The following AHI1 variants were observed in gnomAD, a reference collection of about 807,000 sequenced individuals.
AHI1 encodes Abelson helper integration site 1, also known as jouberin.
AHI1 carries 123 observed loss-of-function variants against 149.3 expected under a neutral mutation model. The ratio of observed to expected loss-of-function variants is 0.82; its 90% CI spans 0.71 to 0.96. The LOEUF (loss-of-function observed/expected upper bound fraction) is 0.96. AHI1 is among the 40% of genes least tolerant of loss of function. The probability of loss-of-function intolerance (pLI) is 0.00; values close to 1 mark genes in which losing one functional copy is unlikely to be tolerated. For synonymous variants in AHI1, 475 were observed against 459.8 expected (o/e 1.03, Z -0.42); for missense variants, 1,439 against 1,422.7 (o/e 1.01, Z -0.18).
intron 24 of AHI1, among the ~76,000 whole-genome samples, chr6:135,355,773 C>T (rs1792858883): frequency 6.6e-6 from 1 of 152,096 alleles, no homozygotes; most frequent in Non-Finnish European, 1.5e-5. Context: ...GTTGTGGACG[C>T]CTGTAATCCC....
At chr6:135,325,311 G>C (rs538440477) in intron 24 of AHI1, among the ~76,000 whole-genome samples, 6 of 152,356 alleles carry the variant, frequency 3.9e-5, no homozygotes, top group Non-Finnish European at 7.3e-5. Context: ...ACAGGCGTGA[G>C]CCACTGCGTC....
chr6:135,416,631 T>C (rs1782424053), intron 20 of AHI1, among the ~76,000 whole-genome samples: 1 of 152,022 alleles, frequency 6.6e-6, no homozygotes. Context: ...TATAAAACAA[T>C]ATAGACAGTA....
intron 5 of AHI1, among the ~76,000 whole-genome samples, chr6:135,487,424 TA>T (rs2128130417): frequency 6.6e-6 from 1 of 152,302 alleles, no homozygotes; most frequent in South Asian, 2.1e-4. Flanking sequence ...ATATCTAATG[TA>T]AAATCTTCAG....
chr6:135,431,187 A>G, intron 17 of AHI1, 21 bp downstream of exon 17: 1 of 1,453,680 alleles, frequency 6.9e-7, no homozygotes, highest in Non-Finnish European at 9.4e-7. Context: ...AAATCCCAAA[A>G]TATAAAATAT....
intron 14 of AHI1, among the ~76,000 whole-genome samples, chr6:135,440,070 T>C (rs576402188): frequency 1.2e-4 from 18 of 152,344 alleles, no homozygotes; most frequent in Admixed American, 2.0e-4. Context: ...TAACTTGCTA[T>C]GTTCTCATTC....
chr6:135,394,219 T>G (rs557180066), intron 23 of AHI1, among the ~76,000 whole-genome samples: 16 of 152,194 alleles, frequency 1.1e-4, no homozygotes, highest in African/African-American at 3.8e-4. Flanking sequence ...ATTTCTCACT[T>G]AGATGTTTTT....
intron 12 of AHI1, among the ~76,000 whole-genome samples, chr6:135,447,481 A>G (rs919722445): frequency 2.0e-5 from 3 of 152,168 alleles, no homozygotes; most frequent in African/African-American, 7.2e-5. Context: ...GCTCTGATAT[A>G]CTATCATATC....
intron 24 of AHI1, among the ~76,000 whole-genome samples, chr6:135,352,206 A>G (rs898272074): frequency 2.2e-4 from 33 of 152,144 alleles, no homozygotes; most frequent in African/African-American, 7.2e-4. Flanking sequence ...TCCCTTCATC[A>G]TATTATTCTC....
intron 26 of AHI1, chr6:135,301,160 G>C: frequency 1.0e-6 from 1 of 984,080 alleles, no homozygotes; most frequent in Non-Finnish European, 1.2e-6. Context: ...TATACTGTGG[G>C]AAATTGAGTT....
intron 24 of AHI1, among the ~76,000 whole-genome samples, chr6:135,343,900 A>C (rs1248734912): frequency 2.0e-5 from 3 of 152,032 alleles, no homozygotes; most frequent in Non-Finnish European, 4.4e-5. Context: ...ACTAAACTTT[A>C]TCAAAATCTA....
At chr6:135,309,960 A>G (rs1030322841) in intron 26 of AHI1, among the ~76,000 whole-genome samples, 2 of 152,182 alleles carry the variant, frequency 1.3e-5, no homozygotes, top group Non-Finnish European at 2.9e-5. Flanking sequence ...TATAATAGAA[A>G]TAAATCACTG....
At chr6:135,479,711 T>C (rs1793296131) in intron 5 of AHI1, among the ~76,000 whole-genome samples, 1 of 152,146 alleles carries the variant, frequency 6.6e-6, no homozygotes, top group African/African-American at 2.4e-5. Flanking sequence ...AAAGCATGAT[T>C]GTGTTTCGAA....
intron 23 of AHI1, among the ~76,000 whole-genome samples, chr6:135,365,287 A>G (rs543389751): frequency 6.6e-5 from 10 of 152,106 alleles, no homozygotes; most frequent in Non-Finnish European, 1.3e-4. Flanking sequence ...CTTTCGCTAC[A>G]TGGGCTCTTT....
chr6:135,313,910 C>T (rs564457822), intron 26 of AHI1, among the ~76,000 whole-genome samples: 39 of 152,042 alleles, frequency 2.6e-4, no homozygotes, highest in African/African-American at 3.4e-4. Context: ...CAAAGGTTAC[C>T]GTGTTGCAGA....
chr6:135,460,183 A>T (rs1789649032), intron 8 of AHI1, among the ~76,000 whole-genome samples: 1 of 152,196 alleles, frequency 6.6e-6, no homozygotes, highest in South Asian at 2.1e-4. Flanking sequence ...ACCCTGTCTC[A>T]AAAATAAATA....
intron 5 of AHI1, among the ~76,000 whole-genome samples, chr6:135,475,691 TTAAG>T (rs1195575539): frequency 6.0e-4 from 91 of 152,184 alleles, no homozygotes; most frequent in Non-Finnish European, 1.2e-3. Context: ...GTTGGAGGAA[TTAAG>T]TGAGTCCCTT....
intron 3 of AHI1, chr6:135,492,853 A>G: frequency 1.0e-6 from 1 of 985,394 alleles, no homozygotes. Flanking sequence ...ACCATGGTTC[A>G]ACTCAGTATG....
intron 3 of AHI1, among the ~76,000 whole-genome samples, chr6:135,494,923 G>A (rs1285526456): frequency 6.6e-6 from 1 of 152,182 alleles, no homozygotes; most frequent in Admixed American, 6.5e-5. Flanking sequence ...AAAGTCCACT[G>A]AATCTGCAAG....
intron 5 of AHI1, among the ~76,000 whole-genome samples, chr6:135,489,250 A>G (rs1794910583): frequency 1.3e-5 from 2 of 152,108 alleles, no homozygotes; most frequent in South Asian, 4.1e-4. Flanking sequence ...TTGCAAAGAG[A>G]GGCTGGATAA....
Sources: gnomAD v4.1 joint callset for allele counts (sites outside exome capture counted in the v4.1 genomes callset) on GRCh38, gnomAD v4.1.1 for gene constraint, MANE v1.5 for transcripts, NCBI Gene and HGNC (gene_info 2026-07-23, HGNC 2026-07-21) for gene names.